Variants in SHC4 observed in about 807,000 individuals in gnomAD.
SHC4 encodes SHC adaptor protein 4, also known as SHC-transforming protein 4.
A neutral mutation model predicts 69.4 loss-of-function variants in SHC4; 41 were observed. The ratio of observed to expected loss-of-function variants is 0.59; its 90% CI spans 0.46 to 0.77. The LOEUF is 0.77. SHC4 is among the 30% of genes least tolerant of loss of function. SHC4 has a pLI of 0.00. For missense variants in SHC4, 777 were observed against 783.8 expected (o/e 0.99, Z 0.10); for synonymous variants, 318 against 299.3 (o/e 1.06, Z -0.64).
chr15:48,911,248 G>A (rs1270486950), intron 2 of SHC4, among the ~76,000 whole-genome samples: 3 of 152,162 alleles, frequency 2.0e-5, no homozygotes, highest in Non-Finnish European at 2.9e-5. Flanking sequence ...GGGAGCTCCA[G>A]TGTTAGGTTC....
At chr15:48,906,158 C>T (rs1900402010) in intron 2 of SHC4, among the ~76,000 whole-genome samples, 2 of 152,090 alleles carry the variant, frequency 1.3e-5, no homozygotes, top group Admixed American at 1.3e-4. Context: ...ATATACAGTA[C>T]CTATACATGG....
At chr15:48,865,775 C>T (rs1899547904) in intron 6 of SHC4, among the ~76,000 whole-genome samples, 1 of 152,258 alleles carries the variant, frequency 6.6e-6, no homozygotes, top group South Asian at 2.1e-4. Context: ...CACATGAATG[C>T]CTTCTCAAAA....
intron 11 of SHC4, among the ~76,000 whole-genome samples, chr15:48,827,352 T>C (rs1183628890): frequency 6.6e-6 from 1 of 152,238 alleles, no homozygotes; most frequent in East Asian, 1.9e-4. Flanking sequence ...TGGAAGAGAA[T>C]ATCTCTGTTC....
chr15:48,843,370 G>C (rs1176109068), intron 10 of SHC4, 39 bp downstream of exon 10: 3 of 1,539,928 alleles, frequency 1.9e-6, no homozygotes, highest in Non-Finnish European at 2.6e-6. Flanking sequence ...TGTTAAAACA[G>C]CCCTAAGAAA....
In SHC4 at chr15:48,826,106, T is replaced by G; in HGVS notation, c.1758A>C (p.Val586=). ...PEGKVRTKDH[V]FDNVGHLIRY... is the part of the protein sequence containing the mutation. Reference sequence around the variant, plus strand: ...TGATAAGGTGGCCGACATTATCAAATACATGATCCTTGGTCCTCACCTTGA... The same window carrying G: ...TGATAAGGTGGCCGACATTATCAAAGACATGATCCTTGGTCCTCACCTTGA... Residue 586 remains valine (V), a synonymous_variant, in exon 12 of 12, where the codon GTA becomes GTC. Transcript: ENST00000332408. 1 of 1,613,092 alleles carries G rather than the reference T, an allele frequency of 6.2e-7. No homozygotes were observed. Among genetic ancestry groups the G allele is most frequent in the Non-Finnish European group, 8.5e-7 (1 of 1,179,732 alleles).
In SHC4 at chr15:48,843,600, A is replaced by C; in HGVS notation, c.1304-12T>G. 6.2e-7 allele frequency: 1 copy of C among 1,603,604 alleles called. No individual in the cohort carries two copies. The highest frequency in any genetic ancestry group is 8.5e-7 in the Non-Finnish European group (1 of 1,173,202). ...TGGATGGACATTACCTGTAGTGATT[A>C]GTAGTGATCAATACATTATGTTTTT... On this transcript the variant is annotated splice_polypyrimidine_tract_variant and intron_variant, in intron 9 of 11. Coordinates refer to ENST00000332408, the MANE Select transcript of SHC4 (RefSeq NM_203349.4).
At chr15:48,887,061 C>G (rs1196631838) in intron 3 of SHC4, among the ~76,000 whole-genome samples, 5 of 152,214 alleles carry the variant, frequency 3.3e-5, no homozygotes, top group African/African-American at 1.2e-4. Context: ...CATAGTCTCT[C>G]AGGAACCCCC....
At chr15:48,897,755 T>TCACACACACACACACACA (rs1376574395) in intron 2 of SHC4, among the ~76,000 whole-genome samples, 1 of 25,786 alleles carries the variant, frequency 3.9e-5, no homozygotes, top group Non-Finnish European at 7.7e-5. Flanking sequence ...CCCCACCTTC[T>TCACACACACACACACACA]GACACACACA....
intron 2 of SHC4, among the ~76,000 whole-genome samples, chr15:48,895,464 C>T (rs532578067): frequency 2.0e-5 from 3 of 152,230 alleles, no homozygotes; most frequent in East Asian, 3.9e-4. Context: ...TTTGGCCAAT[C>T]GTTAATACCC....
intron 9 of SHC4, 101 bp downstream of exon 9, chr15:48,851,087 C>T: frequency 8.9e-7 from 1 of 1,122,978 alleles, no homozygotes; most frequent in Non-Finnish European, 1.3e-6. Context: ...GTGGTAGATA[C>T]CTGACTTTTC....
intron 2 of SHC4, among the ~76,000 whole-genome samples, chr15:48,909,492 G>A (rs141636632): frequency 4.8e-4 from 73 of 151,914 alleles, no homozygotes; most frequent in Middle Eastern, 3.4e-3. Flanking sequence ...ATCTCATATC[G>A]TCAGCAAGCA....
At chr15:48,880,412 T>C (rs1488728471) in intron 4 of SHC4, among the ~76,000 whole-genome samples, 1 of 152,160 alleles carries the variant, frequency 6.6e-6, no homozygotes, top group Admixed American at 6.5e-5. Context: ...ATTAATTGCA[T>C]GGATGATGTA....
At chr15:48,856,324 G>A (rs1899315414) in intron 7 of SHC4, among the ~76,000 whole-genome samples, 200 bp from the exon 8 acceptor site, 1 of 152,114 alleles carries the variant, frequency 6.6e-6, no homozygotes, top group Admixed American at 6.6e-5. Context: ...TAGACAAAAC[G>A]GGGTAAGCCA....
chr15:48,915,113 A>G (rs1381678787), intron 2 of SHC4, among the ~76,000 whole-genome samples: 3 of 152,216 alleles, frequency 2.0e-5, no homozygotes, highest in Non-Finnish European at 4.4e-5. Context: ...ATGGATATTA[A>G]TCCCTTATCA....
chr15:48,919,456 A>C (rs997721207), intron 2 of SHC4, among the ~76,000 whole-genome samples: 2 of 151,086 alleles, frequency 1.3e-5, no homozygotes, highest in East Asian at 3.9e-4. Context: ...TTGCACTACC[A>C]TGCTTTATTT....
intron 2 of SHC4, among the ~76,000 whole-genome samples, chr15:48,919,293 TAA>T (rs1900691372): frequency 2.5e-5 from 3 of 119,608 alleles, no homozygotes; most frequent in Non-Finnish European, 3.5e-5. Context: ...AAATTTATTT[TAA>T]TTTTTTTTTT....
Position 48,824,577 on chromosome 15 carries a change from T to A in SHC4, c.*1394A>T, listed in dbSNP as rs768133364. 3 of 152,246 alleles carry A rather than the reference T, an allele frequency of 2.0e-5. No individual in the cohort carries two copies. Among genetic ancestry groups the A allele is most frequent in the African/African-American group, 7.2e-5 (3 of 41,460 alleles). 9.4% of individuals were successfully genotyped at this position (152,246 alleles called of 1,614,324 possible). A position where few individuals can be genotyped will look rare whatever the true frequency, so the allele number is the denominator to read the frequency against. Reference sequence around the variant, plus strand: ...AGTCTAAACTATGTGAATGTTGATCTCAGGTGTGCCATTCATTCTGTGAGT... The same window carrying A: ...AGTCTAAACTATGTGAATGTTGATCACAGGTGTGCCATTCATTCTGTGAGT... On this transcript the variant is annotated 3_prime_UTR_variant, in exon 12 of 12. Transcript: ENST00000332408.
In SHC4 at chr15:48,825,872, T is replaced by C; in HGVS notation, c.*99A>G. The C allele has an allele frequency of 7.1e-7, 1 of 1,412,634 alleles. No individual in the cohort carries two copies. The highest frequency in any genetic ancestry group is 9.6e-7 in the Non-Finnish European group (1 of 1,043,404). The allele number at this position is 1,412,634 out of a possible 1,614,324, so 87.5% of individuals were successfully genotyped here. The stretch of plus-strand genomic sequence containing the variant: ...TCTTGGAAAGATGCACTTCACAGTT[T>C]GTGCTCTATTTTATCTACAAACAAA... On this transcript the variant is annotated 3_prime_UTR_variant, in exon 12 of 12. Coordinates refer to ENST00000332408, the MANE Select transcript of SHC4 (RefSeq NM_203349.4).
chr15:48,956,013 A>C (rs569130421), intron 1 of SHC4, among the ~76,000 whole-genome samples: 1 of 152,286 alleles, frequency 6.6e-6, no homozygotes, highest in African/African-American at 2.4e-5. Flanking sequence ...CAGGGGCATG[A>C]AAGGACTGGA....
Sources: gnomAD v4.1 joint callset for allele counts (sites outside exome capture counted in the v4.1 genomes callset) on GRCh38, gnomAD v4.1.1 for gene constraint, MANE v1.5 for transcripts, NCBI Gene and HGNC (gene_info 2026-07-23, HGNC 2026-07-21) for gene names.